Variants in STAP2 observed in about 807,000 individuals in gnomAD.
The protein encoded by STAP2 is signal-transducing adaptor protein 2.
In STAP2, 58 loss-of-function variants were observed where a neutral mutation model predicts 52.7. The observed-to-expected ratio is 1.10, with a 90% confidence interval of 0.89 to 1.37. STAP2 has a LOEUF of 1.37. Ranked by LOEUF, STAP2 falls within the 40% of genes most tolerant of loss-of-function variation. The pLI is 0.00. For missense variants in STAP2, 522 were observed against 519.4 expected, an observed-to-expected ratio of 1.00 and a Z score of -0.05; for synonymous variants, 231 against 210.5, an observed-to-expected ratio of 1.10 and a Z score of -0.84.
At chr19:4,329,440 A>C (rs116765140) in intron 5 of STAP2, among the ~76,000 whole-genome samples, 2 of 151,220 alleles carry the variant, frequency 1.3e-5, no homozygotes, top group Admixed American at 6.6e-5. Context: ...TGCAGCTCCA[A>C]CCCCTAGGGA....
chr19:4,324,437 AC>A lies in STAP2; in HGVS notation c.1147+17del. 1 of 1,548,470 alleles carries A rather than the reference AC, an allele frequency of 6.5e-7. No individual in the cohort carries two copies. Among genetic ancestry groups the A allele is most frequent in the South Asian group, 1.2e-5 (1 of 83,736 alleles). On this transcript the variant is annotated intron_variant, in intron 12 of 12. Transcript: ENST00000594605. ...CACCTGGGAAGCCCGCCCCGCACTGACCCCGCAGACCCCTTACCGGCTGTGG... is the reference window on the plus strand; with the variant it reads ...CACCTGGGAAGCCCGCCCCGCACTGACCCGCAGACCCCTTACCGGCTGTGG...
intron 9 of STAP2, 142 bp downstream of exon 9, chr19:4,326,800 G>C: frequency 1.9e-6 from 2 of 1,063,758 alleles, no homozygotes; most frequent in Non-Finnish European, 2.7e-6. Flanking sequence ...ACACCCTGAC[G>C]GCAGGGTCTG....
At chr19:4,324,592 GA>G in intron 11 of STAP2, 63 bp from the exon 12 acceptor site, 1 of 1,532,742 alleles carries the variant, frequency 6.5e-7, no homozygotes, top group Non-Finnish European at 8.8e-7. Context: ...AGCACTTTGG[GA>G]GGCTGAGGTG....
intron 1 of STAP2, among the ~76,000 whole-genome samples, chr19:4,337,603 T>G (rs1349249777): frequency 6.7e-6 from 1 of 149,262 alleles, no homozygotes; most frequent in Non-Finnish European, 1.5e-5. Context: ...TCCCAGCATT[T>G]AGAGAGGCCG....
chr19:4,331,775 CA>C (rs956798743), intron 4 of STAP2, among the ~76,000 whole-genome samples: 2 of 147,618 alleles, frequency 1.4e-5, no homozygotes, highest in Admixed American at 1.3e-4. Flanking sequence ...TACTAAAATA[CA>C]AAAAAATTAG....
chr19:4,327,517 C>T (rs995092469), intron 6 of STAP2, 132 bp from the exon 7 acceptor site: 13 of 945,518 alleles, frequency 1.4e-5, no homozygotes, highest in Middle Eastern at 3.0e-4. Context: ...CCACAGAAGG[C>T]CCCGCCACTG....
At chr19:4,328,931 C>T in intron 5 of STAP2, 122 bp from the exon 6 acceptor site, 1 of 1,381,260 alleles carries the variant, frequency 7.2e-7, no homozygotes, top group Non-Finnish European at 9.7e-7. Context: ...AGACCCTGCC[C>T]TGCTCTCCAG....
At position 4,327,334 on chromosome 19, in the gene STAP2, C is replaced by A. The variant is rs141244385; in HGVS notation, c.642G>T (p.Val214=). The change falls in exon 7 of 13, where the codon GTG becomes GTT. Residue 214 remains valine (V), a synonymous_variant. Transcript: ENST00000594605. The stretch of plus-strand genomic sequence containing the variant: ...CGCTCACCGGCTGTTCCACATCGAT[C>A]ACGTACTTGGGGCCCTCCCGCTTCA... ...YKVKREGPKY[V]IDVEQPFSCT... The A allele has an allele frequency of 1.2e-6, 2 of 1,614,156 alleles. No individual in the cohort carries two copies. The highest frequency in any genetic ancestry group is 1.7e-6 in the Non-Finnish European group (2 of 1,179,998).
At chr19:4,335,375 TCATC>T (rs1971965730) in intron 1 of STAP2, among the ~76,000 whole-genome samples, 1 of 148,908 alleles carries the variant, frequency 6.7e-6, no homozygotes, top group East Asian at 2.1e-4. Context: ...ATGCACTTGT[TCATC>T]CATCCATCAT....
chr19:4,337,112 T>G (rs1971992691), intron 1 of STAP2, among the ~76,000 whole-genome samples: 1 of 151,942 alleles, frequency 6.6e-6, no homozygotes, highest in South Asian at 2.1e-4. Flanking sequence ...TTGATCTGTA[T>G]TAGAAAATGA....
chr19:4,325,090 G>A, intron 11 of STAP2, 126 bp downstream of exon 11: 2 of 819,642 alleles, frequency 2.4e-6, no homozygotes, highest in Non-Finnish European at 3.9e-6. Flanking sequence ...AGTGAGCCAA[G>A]GTTGTGCCAC....
intron 4 of STAP2, among the ~76,000 whole-genome samples, chr19:4,331,359 G>T (rs181801357): frequency 2.7e-5 from 4 of 148,062 alleles, no homozygotes; most frequent in Admixed American, 2.0e-4. Context: ...ACGGTTGGTC[G>T]CTGTGGCTCA....
chr19:4,326,891 A>G, intron 9 of STAP2, 51 bp downstream of exon 9: 1 of 1,540,014 alleles, frequency 6.5e-7, no homozygotes, highest in Non-Finnish European at 8.8e-7. Flanking sequence ...GCGTGGCTGA[A>G]TGCGGGGTCC....
intron 9 of STAP2, 69 bp from the exon 10 acceptor site, chr19:4,325,614 G>T (rs916271234): frequency 1.3e-6 from 2 of 1,496,710 alleles, no homozygotes; most frequent in South Asian, 1.3e-5. Context: ...TGGCGGGGGG[G>T]TCTGTGTGCA....
intron 6 of STAP2, 68 bp from the exon 7 acceptor site, chr19:4,327,453 G>C (rs1302836302): frequency 1.3e-6 from 2 of 1,548,160 alleles, no homozygotes; most frequent in Non-Finnish European, 1.8e-6. Flanking sequence ...GGAAGGCCCC[G>C]CCCCAACTCC....
chr19:4,327,388 G>A lies in STAP2; in HGVS notation c.591-3C>T, dbSNP rs1412850414. On this transcript the variant is annotated splice_polypyrimidine_tract_variant and splice_region_variant and intron_variant, in intron 6 of 12. Transcript: ENST00000594605. ...TGTAATGCCGGACCACGTGCGTCCTGCACCAGGAGAAAGCGAGTGAGTGGC... is the reference window on the plus strand; with the variant it reads ...TGTAATGCCGGACCACGTGCGTCCTACACCAGGAGAAAGCGAGTGAGTGGC... The A allele has an allele frequency of 6.2e-7, 1 of 1,614,080 alleles. No homozygotes were observed. The highest frequency in any genetic ancestry group is 1.1e-5 in the South Asian group (1 of 91,074).
chr19:4,328,894 G>A, intron 5 of STAP2, 85 bp from the exon 6 acceptor site: 10 of 1,519,402 alleles, frequency 6.6e-6, no homozygotes, highest in Non-Finnish European at 8.8e-6. Context: ...CTGAGACCCA[G>A]CCCCATCCCC....
At chr19:4,332,198 T>C in intron 3 of STAP2, 120 bp from the exon 4 acceptor site, 1 of 12,234 alleles carries the variant, frequency 8.2e-5, no homozygotes, top group Non-Finnish European at 1.2e-4. Context: ...TTTTTCTTCT[T>C]TTTTTTTTTT....
intron 5 of STAP2, among the ~76,000 whole-genome samples, chr19:4,329,356 C>T (rs1371388104): frequency 1.3e-5 from 2 of 151,980 alleles, no homozygotes; most frequent in African/African-American, 4.8e-5. Flanking sequence ...CCTCCCGCCT[C>T]GACCTCCCAA....
Sources: allele counts gnomAD v4.1 joint callset (sites outside exome capture counted in the v4.1 genomes callset), GRCh38; gene constraint gnomAD v4.1.1; transcripts MANE v1.5; gene names NCBI Gene and HGNC (gene_info 2026-07-23, HGNC 2026-07-21).